SEMA5A: variants seen among roughly 807,000 people sequenced by gnomAD.
SEMA5A encodes the protein semaphorin-5A.
Under a neutral mutation model 135.5 loss-of-function variants are expected in SEMA5A, and 55 were observed. That is an observed-to-expected ratio of 0.41 (90% CI 0.33 to 0.51). The LOEUF is 0.51. Ranked by LOEUF, SEMA5A falls within the 20% of genes least tolerant of loss-of-function variation. SEMA5A has a pLI of 0.37. For missense variants in SEMA5A, 1,290 were observed against 1,419.9 expected (o/e 0.91, Z 1.47); for synonymous variants, 580 against 546.5 (o/e 1.06, Z -0.85).
At chr5:9,446,851 A>G (rs898439743) in intron 1 of SEMA5A, among the ~76,000 whole-genome samples, 1 of 152,172 alleles carries the variant, frequency 6.6e-6, no homozygotes, top group Admixed American at 6.6e-5. Flanking sequence ...GTTAAAACAT[A>G]AAAAAAGGGC....
chr5:9,273,923 G>A (rs749829600), intron 5 of SEMA5A, among the ~76,000 whole-genome samples: 2 of 151,966 alleles, frequency 1.3e-5, no homozygotes, highest in East Asian at 1.9e-4. Flanking sequence ...ATGAAGAAAC[G>A]GCCTCAACTA....
At chr5:9,367,061 T>A (rs1754947570) in intron 3 of SEMA5A, among the ~76,000 whole-genome samples, 1 of 152,212 alleles carries the variant, frequency 6.6e-6, no homozygotes, top group Non-Finnish European at 1.5e-5. Flanking sequence ...ACAGCCTACA[T>A]CGATCTTCGT....
intron 5 of SEMA5A, among the ~76,000 whole-genome samples, chr5:9,247,562 A>C (rs1748543226): frequency 6.6e-6 from 1 of 152,176 alleles, no homozygotes; most frequent in South Asian, 2.1e-4. Flanking sequence ...GAATTGTTTT[A>C]TACTCATGGA....
chr5:9,224,721 A>G lies in SEMA5A; in HGVS notation c.599T>C (p.Ile200Thr). Residue 200 changes from isoleucine (I) to threonine (T), a missense_variant, in exon 8 of 23, where the codon ATT (isoleucine) becomes ACT (threonine). Physicochemically the swap from Ile to Thr is moderately conservative, Grantham distance 89 (BLOSUM62 -1). Transcript: ENST00000382496. ...RDPAIYRSLG[I>T]LPPLRTAQYN... ...CTGCGCCGTGCGGAGAGGAGGTAAA[A>G]TGCCTAGGCTTCGGTAAATGGCAGG... is the stretch of plus-strand genomic sequence containing the variant. 2 of 1,614,164 alleles carry G rather than the reference A, an allele frequency of 1.2e-6. No individual in the cohort carries two copies. Among genetic ancestry groups the G allele is most frequent in the Admixed American group, 1.7e-5 (1 of 60,014 alleles).
At chr5:9,206,146 AG>A (rs1358485621) in intron 8 of SEMA5A, among the ~76,000 whole-genome samples, 1 of 152,204 alleles carries the variant, frequency 6.6e-6, no homozygotes, top group Admixed American at 6.5e-5. Flanking sequence ...AAGGAAAATC[AG>A]GTATTTTCTT....
intron 6 of SEMA5A, among the ~76,000 whole-genome samples, chr5:9,234,467 G>A (rs1207677589): frequency 1.3e-5 from 2 of 152,230 alleles, no homozygotes; most frequent in African/African-American, 2.4e-5. Flanking sequence ...GCCCAGTGCT[G>A]TCTAGACCAA....
chr5:9,401,860 C>T (rs1756673094), intron 2 of SEMA5A, among the ~76,000 whole-genome samples: 2 of 152,182 alleles, frequency 1.3e-5, no homozygotes, highest in Admixed American at 6.5e-5. Flanking sequence ...CCCTCCATAT[C>T]AATATCTCTG....
At chr5:9,456,913 G>A (rs188407038) in intron 1 of SEMA5A, among the ~76,000 whole-genome samples, 6 of 152,204 alleles carry the variant, frequency 3.9e-5, no homozygotes, top group Admixed American at 6.5e-5. Flanking sequence ...TGCCCTGCTC[G>A]CACTTTTCTA....
At chr5:9,312,219 A>G (rs1752170725) in intron 5 of SEMA5A, among the ~76,000 whole-genome samples, 1 of 152,136 alleles carries the variant, frequency 6.6e-6, no homozygotes. Context: ...GAAAACTTAT[A>G]CTGAAGATTT....
chr5:9,284,690 ATCAT>A (rs1750708100), intron 5 of SEMA5A, among the ~76,000 whole-genome samples: 1 of 152,178 alleles, frequency 6.6e-6, no homozygotes, highest in African/African-American at 2.4e-5. Flanking sequence ...AAAATCCCTG[ATCAT>A]GGGCTAATGC....
intron 8 of SEMA5A, among the ~76,000 whole-genome samples, chr5:9,206,200 G>A (rs549173917): frequency 1.3e-5 from 2 of 152,246 alleles, no homozygotes; most frequent in South Asian, 2.1e-4. Context: ...GAGATCTGAG[G>A]TATGTTGCTA....
intron 5 of SEMA5A, among the ~76,000 whole-genome samples, chr5:9,308,136 T>G (rs2150634287): frequency 6.6e-6 from 1 of 152,304 alleles, no homozygotes; most frequent in African/African-American, 2.4e-5. Flanking sequence ...GTAAGATACC[T>G]AAAAGTATTG....
chr5:9,069,664 C>T (rs750516450), intron 16 of SEMA5A, among the ~76,000 whole-genome samples: 11 of 152,180 alleles, frequency 7.2e-5, no homozygotes, highest in South Asian at 2.1e-4. Flanking sequence ...ATATGTAAGG[C>T]GATCATCGCT....
intron 11 of SEMA5A, among the ~76,000 whole-genome samples, chr5:9,176,942 A>G (rs963492002): frequency 2.0e-5 from 3 of 152,202 alleles, no homozygotes; most frequent in African/African-American, 7.2e-5. Context: ...AATATACCCC[A>G]TTGCTTAAAA....
intron 21 of SEMA5A, among the ~76,000 whole-genome samples, chr5:9,045,162 G>A (rs2150028831): frequency 6.6e-6 from 1 of 152,222 alleles, no homozygotes; most frequent in Admixed American, 6.5e-5. Context: ...TACTCTACCA[G>A]AAGCATGTTT....
At chr5:9,412,402 C>T (rs544010759) in intron 2 of SEMA5A, among the ~76,000 whole-genome samples, 1 of 151,788 alleles carries the variant, frequency 6.6e-6, no homozygotes, top group South Asian at 2.1e-4. Flanking sequence ...CCTTGATTGA[C>T]CTACAATATT....
chr5:9,534,531 C>T (rs149204365), intron 1 of SEMA5A, among the ~76,000 whole-genome samples: 1 of 152,212 alleles, frequency 6.6e-6, no homozygotes, highest in African/African-American at 2.4e-5. Context: ...TGATGGAGCC[C>T]ACTCTGAGGG....
chr5:9,128,855 G>C (rs537214340), intron 13 of SEMA5A, among the ~76,000 whole-genome samples: 1 of 152,048 alleles, frequency 6.6e-6, no homozygotes, highest in Non-Finnish European at 1.5e-5. Context: ...TTTGCTGTAG[G>C]GGCTGCCATG....
chr5:9,471,672 G>A (rs1411986065), intron 1 of SEMA5A, among the ~76,000 whole-genome samples: 1 of 152,198 alleles, frequency 6.6e-6, no homozygotes, highest in African/African-American at 2.4e-5. Flanking sequence ...TCCTAAATAA[G>A]TTTATAAGTC....
Sources: gnomAD v4.1 joint callset for allele counts (sites outside exome capture counted in the v4.1 genomes callset) on GRCh38, gnomAD v4.1.1 for gene constraint, MANE v1.5 for transcripts, NCBI Gene and HGNC (gene_info 2026-07-23, HGNC 2026-07-21) for gene names.